The following DLG1 variants were observed in gnomAD, a reference collection of about 807,000 sequenced individuals.
DLG1 encodes discs large MAGUK scaffold protein 1, also known as disks large homolog 1.
In DLG1, 42 loss-of-function variants were observed where a neutral mutation model predicts 123.4. The ratio of observed to expected loss-of-function variants is 0.34; its 90% CI spans 0.27 to 0.44. The LOEUF (loss-of-function observed/expected upper bound fraction) is 0.44, where lower values mean the gene tolerates loss of function less well. Ranked by LOEUF, DLG1 falls within the 20% of genes least tolerant of loss-of-function variation. DLG1 has a pLI of 1.00. For synonymous variants in DLG1, 317 were observed against 356.2 expected, an observed-to-expected ratio of 0.89 and a Z score of 1.24; for missense variants, 942 against 1,082.6, an observed-to-expected ratio of 0.87 and a Z score of 1.82.
At chr3:197,130,500 T>C (rs767241897) in intron 11 of DLG1, 27 bp downstream of exon 11, 3 of 1,534,188 alleles carry the variant, frequency 2.0e-6, no homozygotes, top group Non-Finnish European at 1.8e-6. Context: ...AAGATAAATT[T>C]AAGCAAACGT....
chr3:197,197,441 C>T (rs143343323), intron 4 of DLG1, among the ~76,000 whole-genome samples: 2 of 152,300 alleles, frequency 1.3e-5, no homozygotes, highest in African/African-American at 4.8e-5. Context: ...TAAAGAGATA[C>T]TTCACCTACT....
At chr3:197,243,057 G>C (rs929767009) in intron 4 of DLG1, among the ~76,000 whole-genome samples, 3 of 152,158 alleles carry the variant, frequency 2.0e-5, no homozygotes, top group Admixed American at 2.0e-4. Flanking sequence ...TGCTGCCTGC[G>C]TTAGTTACGA....
intron 11 of DLG1, among the ~76,000 whole-genome samples, chr3:197,123,245 A>G (rs537689981): frequency 6.6e-6 from 1 of 152,342 alleles, no homozygotes; most frequent in African/African-American, 2.4e-5. Flanking sequence ...ACAGGTCACT[A>G]AAAGCACTAC....
chr3:197,076,731 G>T, intron 17 of DLG1, 46 bp from the exon 18 acceptor site: 2 of 1,475,262 alleles, frequency 1.4e-6, no homozygotes, highest in Non-Finnish European at 1.9e-6. Context: ...TCTACTGTCT[G>T]TGTGTACAAA....
chr3:197,265,124 A>G (rs1761127640), intron 4 of DLG1, among the ~76,000 whole-genome samples: 1 of 152,226 alleles, frequency 6.6e-6, no homozygotes. Flanking sequence ...GTACATTTCA[A>G]GCCTATGTGT....
At chr3:197,149,379 CA>C (rs954836495) in intron 6 of DLG1, among the ~76,000 whole-genome samples, 12 of 151,622 alleles carry the variant, frequency 7.9e-5, no homozygotes, top group South Asian at 2.1e-4. Context: ...TATGAATGCA[CA>C]AAAAAAACCT....
chr3:197,064,229 T>C lies in DLG1; in HGVS notation c.2373+1047A>G, dbSNP rs539913695. On this transcript the variant is annotated intron_variant, in intron 22 of 24. Transcript: ENST00000667157. ...TTTTTTTGAGGCAGAGTTTCACTCT[T>C]GTCACCCAGGTTGGAGTGCAACGGC... Among the ~76,000 whole-genome samples, 9 of 149,818 alleles carry C rather than the reference T, an allele frequency of 6.0e-5. No individual in the cohort carries two copies. The East Asian group carries it at 1.8e-3, about 29-fold the overall frequency.
At chr3:197,060,094 A>T (rs1476678717) in intron 22 of DLG1, 96 bp from the exon 23 acceptor site, 2 of 731,712 alleles carry the variant, frequency 2.7e-6, no homozygotes, top group Non-Finnish European at 4.4e-6. Flanking sequence ...CTAAATCATG[A>T]TCTGTTTCGA....
intron 5 of DLG1, among the ~76,000 whole-genome samples, chr3:197,172,838 G>A (rs1041630452): frequency 6.6e-6 from 1 of 152,144 alleles, no homozygotes; most frequent in Admixed American, 6.5e-5. Context: ...GCCTAATAAT[G>A]TCCCATTTGA....
chr3:197,071,535 C>T (rs992331553), intron 18 of DLG1, among the ~76,000 whole-genome samples: 5 of 151,958 alleles, frequency 3.3e-5, no homozygotes, highest in Non-Finnish European at 5.9e-5. Context: ...TAAAGCCTCA[C>T]TACTCAAAGT....
intron 4 of DLG1, among the ~76,000 whole-genome samples, chr3:197,280,304 T>A (rs1372365423): frequency 6.6e-6 from 1 of 151,808 alleles, no homozygotes; most frequent in Non-Finnish European, 1.5e-5. Context: ...ATGACAGGAT[T>A]TCATTCTTTT....
intron 4 of DLG1, 191 bp downstream of exon 4, chr3:197,282,488 A>C (rs889741395): frequency 1.9e-5 from 7 of 378,256 alleles, no homozygotes. Context: ...ATTTTAAAAC[A>C]GGGGCAACAG....
intron 24 of DLG1, among the ~76,000 whole-genome samples, chr3:197,045,593 T>A (rs973933182): frequency 1.4e-4 from 19 of 136,090 alleles, no homozygotes; most frequent in African/African-American, 4.1e-4. Flanking sequence ...AAAAAAAAAA[T>A]AGCTGGGCAT....
At chr3:197,237,869 T>C (rs1388574098) in intron 4 of DLG1, among the ~76,000 whole-genome samples, 3 of 152,316 alleles carry the variant, frequency 2.0e-5, no homozygotes, top group East Asian at 1.9e-4. Context: ...AACGGGGAGC[T>C]GGAACTCCCA....
intron 5 of DLG1, among the ~76,000 whole-genome samples, chr3:197,165,647 A>G (rs1561178525): frequency 1.3e-5 from 2 of 152,226 alleles, no homozygotes; most frequent in Non-Finnish European, 2.9e-5. Flanking sequence ...TGAGCTCAAA[A>G]TTAATAACAA....
At chr3:197,081,169 C>T (rs1054921875) in intron 16 of DLG1, 52 bp from the exon 17 acceptor site, 1 of 1,527,000 alleles carries the variant, frequency 6.5e-7, no homozygotes, top group South Asian at 1.2e-5. Flanking sequence ...TATCTGGGGT[C>T]TTACTAGAAA....
At chr3:197,162,243 T>C (rs1425365161) in intron 5 of DLG1, among the ~76,000 whole-genome samples, 8 of 152,276 alleles carry the variant, frequency 5.3e-5, no homozygotes, top group East Asian at 1.9e-4. Flanking sequence ...TTAATTCAAC[T>C]AACATTGATT....
intron 9 of DLG1, among the ~76,000 whole-genome samples, chr3:197,137,995 G>A (rs1001748826): frequency 6.7e-6 from 1 of 149,570 alleles, no homozygotes; most frequent in Non-Finnish European, 1.5e-5. Context: ...AAAAAACCCC[G>A]CAAAAAAAGG....
chr3:197,273,189 T>C (rs930879508), intron 4 of DLG1, among the ~76,000 whole-genome samples: 2 of 39,168 alleles, frequency 5.1e-5, no homozygotes, highest in African/African-American at 9.9e-5. Flanking sequence ...ACTGAATATA[T>C]GTGTGTGTGT....
Sources: allele counts gnomAD v4.1 joint callset (sites outside exome capture counted in the v4.1 genomes callset), GRCh38; gene constraint gnomAD v4.1.1; transcripts MANE v1.5; gene names NCBI Gene and HGNC (gene_info 2026-07-23, HGNC 2026-07-21).